VPS13B: variants seen among roughly 807,000 people sequenced by gnomAD.
The protein encoded by VPS13B is intermembrane lipid transfer protein VPS13B.
A neutral mutation model predicts 426.4 loss-of-function variants in VPS13B; 285 were observed. The ratio of observed to expected loss-of-function variants is 0.67; its 90% CI spans 0.61 to 0.74. VPS13B has a LOEUF of 0.74. VPS13B is among the 30% of genes least tolerant of loss of function. VPS13B has a pLI of 0.00. For synonymous variants in VPS13B, 1,676 were observed against 1,676.4 expected (o/e 1.00, Z 0.01); for missense variants, 4,537 against 4,782.6 (o/e 0.95, Z 1.51).
intron 19 of VPS13B, among the ~76,000 whole-genome samples, chr8:99,330,349 A>G (rs1002785621): frequency 6.7e-4 from 102 of 152,020 alleles, no homozygotes; most frequent in African/African-American, 2.4e-3. Flanking sequence ...TTATTTTAAT[A>G]ATATATTCTA....
intron 33 of VPS13B, among the ~76,000 whole-genome samples, chr8:99,637,842 A>G (rs1182807723): frequency 1.3e-5 from 2 of 152,156 alleles, no homozygotes; most frequent in Non-Finnish European, 2.9e-5. Flanking sequence ...ATTGTGGTTG[A>G]CTTTCCTGAG....
chr8:99,466,743 A>T (rs1348756586), intron 23 of VPS13B, among the ~76,000 whole-genome samples: 1 of 152,184 alleles, frequency 6.6e-6, no homozygotes, highest in African/African-American at 2.4e-5. Context: ...GCTGGGTCGT[A>T]CCATCAGAGA....
intron 31 of VPS13B, among the ~76,000 whole-genome samples, chr8:99,569,085 G>A (rs1206783209): frequency 6.6e-6 from 1 of 151,848 alleles, no homozygotes; most frequent in Non-Finnish European, 1.5e-5. Flanking sequence ...GCCTCCCAAA[G>A]TGCTGGGATT....
At chr8:99,711,905 C>G (rs912212935) in intron 36 of VPS13B, among the ~76,000 whole-genome samples, 1 of 152,052 alleles carries the variant, frequency 6.6e-6, no homozygotes, top group East Asian at 1.9e-4. Context: ...TTGAAGGTGA[C>G]CCAGGATATG....
chr8:99,066,575 TC>T (rs1176526745), intron 3 of VPS13B, among the ~76,000 whole-genome samples: 1 of 152,130 alleles, frequency 6.6e-6, no homozygotes, highest in Non-Finnish European at 1.5e-5. Flanking sequence ...GCAATACCAT[TC>T]AGGACATAGG....
At chr8:99,521,589 T>C (rs1389338594) in intron 30 of VPS13B, among the ~76,000 whole-genome samples, 1 of 152,204 alleles carries the variant, frequency 6.6e-6, no homozygotes, top group Admixed American at 6.5e-5. Flanking sequence ...ATCAACATGA[T>C]AAAAATAATA....
chr8:99,868,483 C>A lies in VPS13B; in HGVS notation c.11392+18C>A. ...TGGCTATGGTAAGTCGGTGGAAAAC[C>A]CATCAGGCCAACCCAGACGTTACTG... On this transcript the variant is annotated intron_variant, in intron 59 of 61. Transcript: ENST00000357162. 1 of 1,597,706 alleles carries A rather than the reference C, an allele frequency of 6.3e-7. No homozygotes were observed. The highest frequency in any genetic ancestry group is 8.5e-7 in the Non-Finnish European group (1 of 1,172,142).
At chr8:99,304,957 A>G (rs1417555355) in intron 19 of VPS13B, among the ~76,000 whole-genome samples, 1 of 152,068 alleles carries the variant, frequency 6.6e-6, no homozygotes, top group Non-Finnish European at 1.5e-5. Flanking sequence ...TTTCATGTGC[A>G]TATCATCCTC....
chr8:99,607,331 A>G (rs982306006), intron 33 of VPS13B, among the ~76,000 whole-genome samples: 2 of 152,202 alleles, frequency 1.3e-5, no homozygotes, highest in African/African-American at 4.8e-5. Flanking sequence ...AAGATTAATG[A>G]CCAATGGTAG....
intron 17 of VPS13B, among the ~76,000 whole-genome samples, chr8:99,223,789 A>C (rs917525074): frequency 6.6e-6 from 1 of 152,216 alleles, no homozygotes; most frequent in African/African-American, 2.4e-5. Context: ...ATGTATTAAG[A>C]TTATTCTAAA....
chr8:99,484,015 C>T (rs1820176457), intron 25 of VPS13B, among the ~76,000 whole-genome samples: 1 of 151,930 alleles, frequency 6.6e-6, no homozygotes, highest in South Asian at 2.1e-4. Context: ...TAAATTCATT[C>T]TAAGAGGTCT....
At chr8:99,175,256 A>G (rs929385720) in intron 16 of VPS13B, among the ~76,000 whole-genome samples, 2 of 152,354 alleles carry the variant, frequency 1.3e-5, no homozygotes, top group South Asian at 2.1e-4. Context: ...TTTAACATGT[A>G]CAGCTTGAAC....
At position 99,121,327 on chromosome 8, in the gene VPS13B, A is replaced by G; in HGVS notation, c.1088A>G (p.Glu363Gly). Reference sequence around the variant, plus strand: ...GCAATTGTGAGTTATGACGATGGCGAGGAAGACTTTGTTGGGAACGATCCT... The same window carrying G: ...GCAATTGTGAGTTATGACGATGGCGGGGAAGACTTTGTTGGGAACGATCCT... ...VPAIVSYDDG[E>G]EDFVGNDPAS... is the part of the protein sequence containing the mutation. Residue 363 changes from glutamate to glycine, a missense_variant, in exon 8 of 62, where the codon GAG (glutamate) becomes GGG (glycine). Around this residue, in one of 2 missense-constraint regions of VPS13B, gnomAD observed 4,311 missense variants for 4,474.3 expected, o/e 0.96. Coordinates refer to ENST00000357162, the MANE Select transcript of VPS13B (RefSeq NM_152564.5). 3.1e-6 allele frequency: 5 copies of G among 1,614,166 alleles called. No individual in the cohort carries two copies. Among genetic ancestry groups the G allele is most frequent in the Non-Finnish European group, 4.2e-6 (5 of 1,180,030 alleles).
At chr8:99,185,487 CATTTT>C (rs969649493) in intron 16 of VPS13B, among the ~76,000 whole-genome samples, 6 of 152,068 alleles carry the variant, frequency 3.9e-5, no homozygotes, top group African/African-American at 1.4e-4. Context: ...GAACTGTACT[CATTTT>C]ATTTTGGAAA....
chr8:99,577,373 G>C (rs907106571), intron 32 of VPS13B, 117 bp from the exon 33 acceptor site: 1 of 1,407,002 alleles, frequency 7.1e-7, no homozygotes, highest in Non-Finnish European at 9.9e-7. Context: ...CTTAATGTAT[G>C]AACTTGAGTC....
intron 19 of VPS13B, among the ~76,000 whole-genome samples, chr8:99,299,358 G>A (rs1367497179): frequency 6.6e-6 from 1 of 151,844 alleles, no homozygotes; most frequent in Admixed American, 6.6e-5. Flanking sequence ...CACTGTACCC[G>A]GCCAAGTTAT....
At chr8:99,520,792 G>T in intron 29 of VPS13B, 107 bp from the exon 30 acceptor site, 2 of 814,060 alleles carry the variant, frequency 2.5e-6, no homozygotes, top group South Asian at 1.5e-5. Flanking sequence ...TTATTTATTG[G>T]TCTTATCTTA....
At chr8:99,795,532 A>G (rs976458929) in intron 43 of VPS13B, among the ~76,000 whole-genome samples, 2 of 152,206 alleles carry the variant, frequency 1.3e-5, no homozygotes, top group African/African-American at 4.8e-5. Context: ...CTATTGCTGT[A>G]TAAAAAATTA....
intron 29 of VPS13B, among the ~76,000 whole-genome samples, chr8:99,519,827 G>A (rs1822277468): frequency 6.6e-6 from 1 of 151,666 alleles, no homozygotes; most frequent in Non-Finnish European, 1.5e-5. Flanking sequence ...TGGATGGATA[G>A]CATTAGGAGA....
Sources: allele counts gnomAD v4.1 joint callset (sites outside exome capture counted in the v4.1 genomes callset), GRCh38; gene constraint gnomAD v4.1.1; regional missense constraint gnomAD v4.1.1; transcripts MANE v1.5; gene names NCBI Gene and HGNC (gene_info 2026-07-23, HGNC 2026-07-21).